FANK1: variants seen among roughly 807,000 people sequenced by gnomAD.
The protein encoded by FANK1 is fibronectin type 3 and ankyrin repeat domains protein 1.
FANK1 carries 44 observed loss-of-function variants against 45.3 expected under a neutral mutation model. The observed-to-expected ratio is 0.97, with a 90% CI of 0.76 to 1.25. The LOEUF (loss-of-function observed/expected upper bound fraction) is 1.25, where lower values mean the gene tolerates loss of function less well. Ranked by LOEUF, FANK1 falls within the 50% of genes most tolerant of loss-of-function variation. The pLI is 0.00. For missense variants in FANK1, 391 were observed against 424.4 expected, an observed-to-expected ratio of 0.92 and a Z score of 0.69; for synonymous variants, 149 against 152.5, an observed-to-expected ratio of 0.98 and a Z score of 0.17.
At chr10:125,991,250 G>GGGGTGTGTGTGTGTGTGTGT (rs138607074) in intron 3 of FANK1, among the ~76,000 whole-genome samples, 6 of 146,000 alleles carry the variant, frequency 4.1e-5, no homozygotes, top group Non-Finnish European at 7.5e-5. Context: ...GGTGACCAGG[G>GGGGTGTGTGTGTGTGTGTGT]GTGTGTGTGT....
intron 1 of FANK1, among the ~76,000 whole-genome samples, chr10:125,942,413 A>G (rs555611487): frequency 1.4e-3 from 206 of 152,354 alleles, no homozygotes; most frequent in African/African-American, 4.6e-3. Flanking sequence ...AAAGATGTCA[A>G]TTCTCCCTGA....
chr10:126,006,825 A>C (rs1953252797), intron 7 of FANK1, among the ~76,000 whole-genome samples: 1 of 152,208 alleles, frequency 6.6e-6, no homozygotes, highest in Non-Finnish European at 1.5e-5. Flanking sequence ...GTGCCACTGC[A>C]CTCCAGCCTG....
chr10:125,947,263 A>C (rs1457761632), intron 1 of FANK1, among the ~76,000 whole-genome samples: 1 of 147,280 alleles, frequency 6.8e-6, no homozygotes, highest in Admixed American at 6.8e-5. Context: ...ACACATAACA[A>C]TATTAACTTT....
intron 6 of FANK1, among the ~76,000 whole-genome samples, chr10:125,999,880 A>T (rs1952631068): frequency 6.6e-6 from 1 of 152,238 alleles, no homozygotes; most frequent in East Asian, 1.9e-4. Flanking sequence ...TCTACTTAAG[A>T]AGATGTGAAC....
intron 1 of FANK1, among the ~76,000 whole-genome samples, chr10:125,906,493 G>A (rs1247473208): frequency 7.7e-6 from 1 of 129,398 alleles, no homozygotes; most frequent in Non-Finnish European, 1.6e-5. Flanking sequence ...TCCAGCCTTG[G>A]GGACAGAGCA....
intron 1 of FANK1, among the ~76,000 whole-genome samples, chr10:125,955,852 T>C (rs1193283908): frequency 6.6e-6 from 1 of 152,152 alleles, no homozygotes; most frequent in Non-Finnish European, 1.5e-5. Flanking sequence ...CCAAAACAAA[T>C]CAAGTTCCTT....
At chr10:125,899,629 G>A (rs1944872209) in intron 1 of FANK1, among the ~76,000 whole-genome samples, 4 of 152,208 alleles carry the variant, frequency 2.6e-5, no homozygotes, top group Non-Finnish European at 4.4e-5. Flanking sequence ...TTAACTTGGA[G>A]ATTTGTATCC....
intron 1 of FANK1, among the ~76,000 whole-genome samples, chr10:125,923,932 G>A (rs575176035): frequency 2.2e-4 from 34 of 152,326 alleles, no homozygotes; most frequent in African/African-American, 8.2e-4. Flanking sequence ...CTAAAGGTCT[G>A]TGAATTTTAT....
intron 6 of FANK1, among the ~76,000 whole-genome samples, chr10:126,003,803 G>A (rs1952962583): frequency 6.6e-6 from 1 of 152,046 alleles, no homozygotes; most frequent in Non-Finnish European, 1.5e-5. Context: ...AGCCTCCTGA[G>A]TAGCTGGGAT....
intron 1 of FANK1, among the ~76,000 whole-genome samples, chr10:125,929,127 A>T (rs1026546631): frequency 6.6e-6 from 1 of 152,248 alleles, no homozygotes; most frequent in African/African-American, 2.4e-5. Context: ...TATGAGACTC[A>T]CAGAAGAGCC....
chr10:125,999,018 T>G (rs1350379317), intron 6 of FANK1, among the ~76,000 whole-genome samples: 1 of 152,130 alleles, frequency 6.6e-6, no homozygotes, highest in Non-Finnish European at 1.5e-5. Flanking sequence ...TGTATGTTTG[T>G]TTGTGTGTAG....
chr10:125,984,263 AC>A (rs2134205807), intron 2 of FANK1, among the ~76,000 whole-genome samples: 1 of 152,314 alleles, frequency 6.6e-6, no homozygotes, highest in South Asian at 2.1e-4. Flanking sequence ...CTCTGCGTGA[AC>A]ATTGTCAGTC....
rs538802181 is a variant in FANK1, at chr10:126,006,719, G to A, written c.705+1670G>A. 3.3e-4 allele frequency among the ~76,000 whole-genome samples: 50 copies of A among 152,282 alleles called. 1 individual carries two copies. The South Asian group carries it at 9.1e-3, about 28-fold the overall frequency. On this transcript the variant is annotated intron_variant, in intron 7 of 10. Transcript: ENST00000368693. ...TACTAAAAATACAAAAATTAGCCAG[G>A]CGTGGTGGTGGGCACCTGTAATCCC...
Position 125,923,295 on chromosome 10 carries a change from C to CA in FANK1, c.13+26650dup, listed in dbSNP as rs138311285. Among the ~76,000 whole-genome samples, 534 of 146,828 alleles carry CA rather than the reference C, an allele frequency of 3.6e-3. 8 individuals are homozygous for CA. Among genetic ancestry groups the CA allele is most frequent in the Admixed American group, 0.029 (425 of 14,658 alleles). ...GCAATATAGTGAGACTCCATCTCTG[C>CA]AAAAAAAAAATAAAAATTAGCTTGG... is the stretch of plus-strand genomic sequence containing the variant. On this transcript the variant is annotated intron_variant, in intron 1 of 10. Transcript: ENST00000368693.
rs931352353 is a variant in FANK1 at position 125,969,998 on chromosome 10, C to T, written c.14-10163C>T. 1.1e-3 allele frequency among the ~76,000 whole-genome samples: 166 copies of T among 152,336 alleles called. 2 individuals are homozygous for T. The highest frequency in any genetic ancestry group is 3.7e-3 in the African/African-American group (154 of 41,568). ...CAGAAGAATTTTTCTTAGTACAGAA[C>T]GAAATGGAGTCTCCTATGTTTACTT... is the stretch of plus-strand genomic sequence containing the variant. On this transcript the variant is annotated intron_variant, in intron 1 of 10. Transcript: ENST00000368693.
At chr10:125,993,326 C>G (rs12413797) in intron 3 of FANK1, among the ~76,000 whole-genome samples, 6,272 of 152,246 alleles carry the variant, frequency 0.041, 315 homozygotes, top group East Asian at 0.12. Flanking sequence ...AAACATACCA[C>G]TTTTCTTCTC....
At chr10:125,919,895 CCTT>C (rs1406523282) in intron 1 of FANK1, among the ~76,000 whole-genome samples, 1 of 152,150 alleles carries the variant, frequency 6.6e-6, no homozygotes, top group Admixed American at 6.5e-5. Context: ...AGGTGTGTAA[CCTT>C]CTTATTTGTT....
intron 1 of FANK1, among the ~76,000 whole-genome samples, chr10:125,907,995 CTTT>C (rs56856062): frequency 8.2e-5 from 11 of 133,936 alleles, no homozygotes; most frequent in Admixed American, 7.7e-5. Context: ...TTTTTTCTCC[CTTT>C]TTTTTTTTTT....
intron 1 of FANK1, among the ~76,000 whole-genome samples, chr10:125,972,564 C>T (rs942817898): frequency 6.6e-6 from 1 of 152,172 alleles, no homozygotes; most frequent in African/African-American, 2.4e-5. Flanking sequence ...CTGAAAATAA[C>T]TAGCTCTTAC....
Sources: gnomAD v4.1 joint callset for allele counts (sites outside exome capture counted in the v4.1 genomes callset) on GRCh38, gnomAD v4.1.1 for gene constraint, MANE v1.5 for transcripts, NCBI Gene and HGNC (gene_info 2026-07-23, HGNC 2026-07-21) for gene names.